Variants in FAT2 observed in about 807,000 individuals in gnomAD.
FAT2 encodes the protein protocadherin Fat 2.
Under a neutral mutation model 295.3 loss-of-function variants are expected in FAT2, and 150 were observed. The observed-to-expected ratio is 0.51, with a 90% CI of 0.44 to 0.58. The LOEUF is 0.58. FAT2 is among the 20% of genes least tolerant of loss of function. The pLI is 0.00. For synonymous variants in FAT2, 2,026 were observed against 2,150.3 expected (o/e 0.94, Z 1.60); for missense variants, 4,868 against 5,442.7 (o/e 0.89, Z 3.32).
At chr5:151,573,147 A>C (rs191272704) in intron 1 of FAT2, among the ~76,000 whole-genome samples, 1 of 152,350 alleles carries the variant, frequency 6.6e-6, no homozygotes, top group Non-Finnish European at 1.5e-5. Flanking sequence ...AAGGTGGCTA[A>C]CAACACACAG....
rs1269542980 is a variant in FAT2, at chr5:151,512,295, C to G, written c.11775G>C (p.Leu3925=). The G allele has an allele frequency of 1.9e-6, 3 of 1,614,240 alleles. No individual in the cohort carries two copies. The highest frequency in any genetic ancestry group is 2.5e-6 in the Non-Finnish European group (3 of 1,180,046). Residue 3925 remains leucine (L), a synonymous_variant, in exon 21 of 24, where the codon CTG becomes CTC. Transcript: ENST00000261800. This position sits in a 1 kb window ranked among gnomAD's most constrained non-coding sequence, Gnocchi z 4.1. ...CTGCCACCGTCTTGCCAGGGGCCAG[C>G]AGATCTAGAGCCTCTTCGTTGACCA... ...AVVVNEEALD[L]LAPGKTVAGL... is the part of the protein sequence containing the mutation.
In FAT2 at chr5:151,505,998, G is replaced by A. The variant is rs1760832087; in HGVS notation, c.12617C>T (p.Ser4206Leu). ...GACTGGGGTTGAGTGGCGGTGAGCC[G>A]AGGGCGGCAGAGGGCCCTGAGTCAC... ...SEVTQGPLPPSAHRHSTPVVM... is the reference protein window; with the variant it reads ...SEVTQGPLPPLAHRHSTPVVM... Residue 4206 changes from serine to leucine, a missense_variant, in exon 24 of 24, where the codon TCG becomes TTG. Ser to Leu is a moderately radical substitution (Grantham distance 145). Transcript: ENST00000261800. The A allele has an allele frequency of 5.7e-6, 9 of 1,572,552 alleles. No individual in the cohort carries two copies. The highest frequency in any genetic ancestry group is 2.7e-5 in the African/African-American group (2 of 73,240).
chr5:151,584,284 C>A (rs1759082997), intron 1 of FAT2, among the ~76,000 whole-genome samples: 1 of 152,092 alleles, frequency 6.6e-6, no homozygotes, highest in Admixed American at 6.5e-5. Flanking sequence ...CCGGCCTGCC[C>A]ACACAGAACC....
At chr5:151,590,430 C>T (rs1055000725) in intron 1 of FAT2, among the ~76,000 whole-genome samples, 1 of 152,212 alleles carries the variant, frequency 6.6e-6, no homozygotes, top group African/African-American at 2.4e-5. Context: ...CTCTGCTCAG[C>T]GTTCCACTCT....
In FAT2 at chr5:151,505,385, C is replaced by T; in HGVS notation, c.*180G>A. On this transcript the variant is annotated 3_prime_UTR_variant, in exon 24 of 24. Coordinates refer to ENST00000261800, the MANE Select transcript of FAT2 (RefSeq NM_001447.3). ...GTTTCTGGAGCTCTATCCTCAGCTT[C>T]CCTCCACCCTCAGGGACTAGGTGGG... is the stretch of plus-strand genomic sequence containing the variant. The T allele has an allele frequency of 5.6e-6, 4 of 710,854 alleles. No individual in the cohort carries two copies. The highest frequency in any genetic ancestry group is 3.8e-4 in the Middle Eastern group (1 of 2,642). The allele number at this position is 710,854 out of a possible 1,614,324, so 44.0% of individuals were successfully genotyped here.
At chr5:151,576,922 G>C (rs1202404983) in intron 1 of FAT2, among the ~76,000 whole-genome samples, 1 of 152,182 alleles carries the variant, frequency 6.6e-6, no homozygotes, top group East Asian at 1.9e-4. Flanking sequence ...ATACAAACCT[G>C]TACGGTATCC....
intron 1 of FAT2, among the ~76,000 whole-genome samples, chr5:151,575,571 TA>T (rs1758712829): frequency 6.6e-6 from 1 of 152,232 alleles, no homozygotes; most frequent in Non-Finnish European, 1.5e-5. Flanking sequence ...ACACACTCAG[TA>T]CCAGTTAGTG....
In FAT2 at chr5:151,567,211, C is replaced by T. The variant is rs756023781; in HGVS notation, c.1721G>A (p.Arg574His). The T allele has an allele frequency of 3.7e-6, 6 of 1,614,166 alleles. No individual in the cohort carries two copies. The highest frequency in any genetic ancestry group is 2.2e-5 in the East Asian group (1 of 44,884). ...FEEVNCTGSI[R>H]QDWPVGKSIM... ...CGATTTCCCTACTGGCCAGTCTTGG[C>T]GGATAGACCCTGTACAGTTGACTTC... Residue 574 changes from arginine to histidine, a missense_variant, in exon 2 of 24, where the codon CGC becomes CAC. This residue lies in a region of FAT2 where 3,297 missense variants were observed against 3,669.4 expected (regional missense o/e 0.90). Transcript: ENST00000261800.
intron 7 of FAT2, 73 bp from the exon 8 acceptor site, chr5:151,550,944 C>T: frequency 7.1e-7 from 1 of 1,399,190 alleles, no homozygotes; most frequent in Non-Finnish European, 9.9e-7. Flanking sequence ...TCTGGACCTC[C>T]CTGTATCACC....
At chr5:151,557,148 T>C (rs1025600548) in intron 3 of FAT2, among the ~76,000 whole-genome samples, 47 of 152,172 alleles carry the variant, frequency 3.1e-4, no homozygotes, top group Admixed American at 2.7e-3. Flanking sequence ...TCAGCACTGC[T>C]GTGATGCAGT....
At position 151,531,915 on chromosome 5, in the gene FAT2, G is replaced by A. The variant is rs777439609; in HGVS notation, c.9483C>T (p.Ser3161=). ...GGATCACCCCCGTGGTGGCGTCGAT[G>A]GAAAAGTGGCCTTCGGCTGAATCCG... ...SLPDSAEGHF[S]IDATTGVIRL... The change falls in exon 14 of 24, where the codon TCC becomes TCT. Residue 3161 remains serine, a synonymous_variant. Coordinates refer to ENST00000261800, the MANE Select transcript of FAT2 (RefSeq NM_001447.3). The surrounding 1 kb of genome is among the most constrained non-coding windows in gnomAD (Gnocchi z 5.7). 4 of 1,614,230 alleles carry A rather than the reference G, an allele frequency of 2.5e-6. No homozygotes were observed. Among genetic ancestry groups the A allele is most frequent in the Non-Finnish European group, 3.4e-6 (4 of 1,180,040 alleles).
intron 1 of FAT2, among the ~76,000 whole-genome samples, chr5:151,590,427 C>T (rs1759353833): frequency 6.6e-6 from 1 of 152,246 alleles, no homozygotes; most frequent in Admixed American, 6.5e-5. Context: ...TGGCTCTGCT[C>T]AGCGTTCCAC....
At chr5:151,565,439 AGAATATGTAATATATGTG>A (rs1758205415) in intron 2 of FAT2, among the ~76,000 whole-genome samples, 2 of 152,180 alleles carry the variant, frequency 1.3e-5, no homozygotes, top group African/African-American at 4.8e-5. Flanking sequence ...TTTTATAAAC[AGAATATGTAATATATGTG>A]CATATATGTG....
chr5:151,534,968 AAAATAT>A lies in FAT2; in HGVS notation c.9194-332_9194-327del, dbSNP rs1429895234. Among the ~76,000 whole-genome samples, 16 of 52,726 alleles carry A rather than the reference AAAATAT, an allele frequency of 3.0e-4. 1 individual carries two copies. Among genetic ancestry groups the A allele is most frequent in the Admixed American group, 4.6e-4 (2 of 4,302 alleles). 34.6% of individuals were successfully genotyped at this position (52,726 alleles called of 152,430 possible). A position where few individuals can be genotyped will look rare whatever the true frequency, so the allele number is the denominator to read the frequency against. ...TTTGGTTCGTAATTCCACTTCTAGGAAAATATATATATATATATATATATATATGTA... is the reference window on the plus strand; with the variant it reads ...TTTGGTTCGTAATTCCACTTCTAGGAATATATATATATATATATATATGTA... On this transcript the variant is annotated intron_variant, in intron 12 of 23. Transcript: ENST00000261800.
chr5:151,546,645 C>G (rs1260861389), intron 9 of FAT2, among the ~76,000 whole-genome samples: 1 of 152,118 alleles, frequency 6.6e-6, no homozygotes, highest in Non-Finnish European at 1.5e-5. Flanking sequence ...ACACACTCCA[C>G]CCTGAATTTC....
At chr5:151,584,373 C>A (rs752319987) in intron 1 of FAT2, among the ~76,000 whole-genome samples, 3 of 152,172 alleles carry the variant, frequency 2.0e-5, no homozygotes, top group Non-Finnish European at 4.4e-5. Flanking sequence ...TTACTTCCTG[C>A]AGCATTTTTC....
At position 151,567,510 on chromosome 5, in the gene FAT2, G is replaced by T; in HGVS notation, c.1422C>A (p.Gly474=). ...DGTLDENIPP[G]TSVLAVTATD... is the part of the protein sequence containing the mutation. ...TGGCAGTCACAGCCAAAACACTGGT[G>T]CCTGGAGGGATGTTCTCATCCAAGG... The change falls in exon 2 of 24, where the codon GGC becomes GGA. Residue 474 remains glycine (G), a synonymous_variant. Transcript: ENST00000261800. 1 of 1,614,156 alleles carries T rather than the reference G, an allele frequency of 6.2e-7. No homozygotes were observed. Among genetic ancestry groups the T allele is most frequent in the South Asian group, 1.1e-5 (1 of 91,076 alleles).
chr5:151,519,986 T>C (rs1753275140), intron 19 of FAT2, among the ~76,000 whole-genome samples: 1 of 152,220 alleles, frequency 6.6e-6, no homozygotes, highest in Admixed American at 6.5e-5. Flanking sequence ...ACCCCTGCTG[T>C]CTGATGCCAG....
intron 3 of FAT2, among the ~76,000 whole-genome samples, chr5:151,563,104 A>G (rs1758091325): frequency 6.6e-6 from 1 of 152,214 alleles, no homozygotes; most frequent in South Asian, 2.1e-4. Flanking sequence ...GCATTGTCAA[A>G]TGTTAGTACA....
Sources: gnomAD v4.1 joint callset for allele counts (sites outside exome capture counted in the v4.1 genomes callset) on GRCh38, gnomAD v4.1.1 for gene constraint, gnomAD v4.1.1 regional missense constraint, Gnocchi (gnomAD v3.1) non-coding constraint, MANE v1.5 for transcripts, NCBI Gene and HGNC (gene_info 2026-07-23, HGNC 2026-07-21) for gene names.